The following DNAJC15 variants were observed in gnomAD, a reference collection of about 807,000 sequenced individuals.
The protein encoded by DNAJC15 is DnaJ heat shock protein family (Hsp40) member C15.
DNAJC15 carries 27 observed loss-of-function variants against 22.4 expected under a neutral mutation model. The ratio of observed to expected loss-of-function variants is 1.20; its 90% CI spans 0.89 to 1.66. DNAJC15 has a LOEUF of 1.66. Among genes scored for constraint, DNAJC15 ranks in the 40% most tolerant of loss-of-function variants. The probability of loss-of-function intolerance (pLI) is 0.00; values close to 1 mark genes in which losing one functional copy is unlikely to be tolerated. For synonymous variants in DNAJC15, 79 were observed against 63.2 expected (o/e 1.25, Z -1.19); for missense variants, 208 against 187.1 (o/e 1.11, Z -0.65).
intron 1 of DNAJC15, among the ~76,000 whole-genome samples, chr13:43,061,920 A>G (rs1312312781): frequency 2.0e-5 from 3 of 152,214 alleles, no homozygotes; most frequent in Non-Finnish European, 2.9e-5. Context: ...GTCATGTTCA[A>G]GTTTCTATGT....
At chr13:43,092,523 TATA>T (rs2040720253) in intron 5 of DNAJC15, among the ~76,000 whole-genome samples, 1 of 152,068 alleles carries the variant, frequency 6.6e-6, no homozygotes, top group African/African-American at 2.4e-5. Context: ...TATATATATA[TATA>T]AATGTTACTT....
chr13:43,039,825 C>T (rs60722541), intron 1 of DNAJC15, among the ~76,000 whole-genome samples: 104 of 152,030 alleles, frequency 6.8e-4, no homozygotes, highest in African/African-American at 2.4e-3. Context: ...AAATGACCAG[C>T]CTGGCCAATA....
intron 5 of DNAJC15, among the ~76,000 whole-genome samples, chr13:43,089,247 T>G (rs1427585847): frequency 6.6e-6 from 1 of 152,232 alleles, no homozygotes; most frequent in Non-Finnish European, 1.5e-5. Flanking sequence ...AATTATTTAT[T>G]TAGCACCTAC....
Position 43,023,700 on chromosome 13 carries a change from A to G in DNAJC15, c.74A>G (p.Lys25Arg). 1.2e-6 allele frequency: 2 copies of G among 1,612,392 alleles called. No individual in the cohort carries two copies. Among genetic ancestry groups the G allele is most frequent in the Non-Finnish European group, 1.7e-6 (2 of 1,179,406 alleles). ...GCTGAGTACTTGCAGCCCTCGGCCA[A>G]ACGGCCAGACGCCGACGTCGACCAG... is the stretch of plus-strand genomic sequence containing the variant. ...RYAEYLQPSAKRPDADVDQQR... is the reference protein window; with the variant it reads ...RYAEYLQPSARRPDADVDQQR... Residue 25 changes from lysine (K) to arginine (R), a missense_variant, in exon 1 of 6, where the codon AAA becomes AGA. Physicochemically the swap from Lys to Arg is conservative, Grantham distance 26. Transcript: ENST00000379221.
chr13:43,026,278 G>C (rs1202578124), intron 1 of DNAJC15, among the ~76,000 whole-genome samples: 1 of 152,218 alleles, frequency 6.6e-6, no homozygotes, highest in Non-Finnish European at 1.5e-5. Flanking sequence ...TCTGGACTAA[G>C]ATTATCATAA....
intron 1 of DNAJC15, among the ~76,000 whole-genome samples, chr13:43,024,822 C>G (rs73473938): frequency 1.4e-5 from 2 of 147,362 alleles, no homozygotes; most frequent in African/African-American, 5.1e-5. Context: ...TTAGGAAGCC[C>G]AGGCAGGAGG....
intron 1 of DNAJC15, among the ~76,000 whole-genome samples, chr13:43,025,749 C>T (rs1055240280): frequency 1.4e-4 from 22 of 152,018 alleles, no homozygotes; most frequent in African/African-American, 5.3e-4. Flanking sequence ...ACTAAAAATA[C>T]AAAAATTAGC....
At chr13:43,088,107 G>T (rs554828480) in intron 5 of DNAJC15, among the ~76,000 whole-genome samples, 2 of 152,158 alleles carry the variant, frequency 1.3e-5, no homozygotes, top group African/African-American at 4.8e-5. Flanking sequence ...CTTACAGGCT[G>T]TCTAATGCAG....
intron 1 of DNAJC15, among the ~76,000 whole-genome samples, chr13:43,060,030 C>T (rs866880294): frequency 1.3e-5 from 2 of 152,208 alleles, no homozygotes; most frequent in Admixed American, 6.5e-5. Context: ...TCAGTTGCTT[C>T]GGGCTATCTG....
At chr13:43,085,949 T>C (rs1216486470) in intron 5 of DNAJC15, 111 bp downstream of exon 5, 8 of 917,966 alleles carry the variant, frequency 8.7e-6, no homozygotes, top group Non-Finnish European at 1.1e-5. Context: ...GTGCGCCACA[T>C]GTATTGTGAT....
intron 1 of DNAJC15, among the ~76,000 whole-genome samples, chr13:43,044,439 G>A (rs963031629): frequency 2.6e-5 from 4 of 152,156 alleles, no homozygotes; most frequent in Admixed American, 2.6e-4. Flanking sequence ...AAGTCCAAAA[G>A]AGAGTTCATG....
intron 1 of DNAJC15, among the ~76,000 whole-genome samples, chr13:43,029,593 G>A (rs1013493577): frequency 6.6e-6 from 1 of 151,528 alleles, no homozygotes; most frequent in African/African-American, 2.4e-5. Flanking sequence ...CCAGTTTTCA[G>A]AAATTTTTTG....
intron 3 of DNAJC15, among the ~76,000 whole-genome samples, chr13:43,077,530 A>T (rs1387766554): frequency 6.6e-6 from 1 of 152,196 alleles, no homozygotes; most frequent in Non-Finnish European, 1.5e-5. Flanking sequence ...CATATATATA[A>T]GAAGTCCAAG....
At position 43,107,447 on chromosome 13, in the gene DNAJC15, A is replaced by G. The variant is rs749126567; in HGVS notation, c.*199A>G. 32 of 372,238 alleles carry G rather than the reference A, an allele frequency of 8.6e-5. No individual in the cohort carries two copies. Among genetic ancestry groups the G allele is most frequent in the African/African-American group, 1.3e-4 (6 of 47,134 alleles). 23.1% of individuals were successfully genotyped at this position (372,238 alleles called of 1,614,324 possible). A position where few individuals can be genotyped will look rare whatever the true frequency, so the allele number is the denominator to read the frequency against. On this transcript the variant is annotated 3_prime_UTR_variant, in exon 6 of 6. Transcript: ENST00000379221. Reference sequence around the variant, plus strand: ...TCTTTTAAAGATCTCCTTAAATTCTATAACTGATCTTTTTTCTTATTTTGT... The same window carrying G: ...TCTTTTAAAGATCTCCTTAAATTCTGTAACTGATCTTTTTTCTTATTTTGT...
intron 1 of DNAJC15, among the ~76,000 whole-genome samples, chr13:43,055,322 C>T (rs946096863): frequency 6.6e-6 from 1 of 152,120 alleles, no homozygotes; most frequent in African/African-American, 2.4e-5. Flanking sequence ...AAGACATCCC[C>T]TCCTCACTGG....
At chr13:43,085,600 G>T (rs2040684149) in intron 4 of DNAJC15, among the ~76,000 whole-genome samples, 168 bp from the exon 5 acceptor site, 1 of 152,098 alleles carries the variant, frequency 6.6e-6, no homozygotes, top group South Asian at 2.1e-4. Flanking sequence ...TTGAATCAAT[G>T]ATTTATTTTG....
At chr13:43,068,824 A>G in intron 2 of DNAJC15, 106 bp from the exon 3 acceptor site, 3 of 885,272 alleles carry the variant, frequency 3.4e-6, no homozygotes, top group Non-Finnish European at 4.8e-6. Context: ...TACTTATTGC[A>G]ATAACATATA....
At chr13:43,029,015 TA>T (rs2040392960) in intron 1 of DNAJC15, among the ~76,000 whole-genome samples, 1 of 152,354 alleles carries the variant, frequency 6.6e-6, no homozygotes, top group East Asian at 1.9e-4. Flanking sequence ...GCCATTTAAT[TA>T]TTTGTCTATG....
intron 5 of DNAJC15, 75 bp from the exon 6 acceptor site, chr13:43,107,103 A>AT: frequency 8.5e-7 from 1 of 1,169,680 alleles, no homozygotes; most frequent in East Asian, 2.9e-5. Context: ...AAAAAAGAGT[A>AT]TTTTTATATT....
Sources: allele counts gnomAD v4.1 joint callset (sites outside exome capture counted in the v4.1 genomes callset), GRCh38; gene constraint gnomAD v4.1.1; transcripts MANE v1.5; gene names NCBI Gene and HGNC (gene_info 2026-07-23, HGNC 2026-07-21).